Variants in IRAG2 observed in about 807,000 individuals in gnomAD.
The protein encoded by IRAG2 is lymphoid restricted membrane protein.
A neutral mutation model predicts 69.9 loss-of-function variants in IRAG2; 45 were observed. The observed-to-expected ratio is 0.64, with a 90% confidence interval of 0.51 to 0.83. IRAG2 has a LOEUF of 0.83. Among genes scored for constraint, IRAG2 ranks in the 40% least tolerant of loss-of-function variants. The pLI, the probability that IRAG2 is intolerant of heterozygous loss-of-function variation, is 0.00. For missense variants in IRAG2, 520 were observed against 587.0 expected (o/e 0.89, Z 1.18); for synonymous variants, 193 against 202.4 (o/e 0.95, Z 0.40).
At chr12:25,049,334 C>T (rs1238704595), upstream of IRAG2, among the ~76,000 whole-genome samples, 1 of 152,220 alleles carries the variant, frequency 6.6e-6, no homozygotes, top group Admixed American at 6.5e-5. Flanking sequence ...TTACTTTGGG[C>T]AGTATGGCTA....
chr12:25,026,651 A>G, intron 8 of IRAG2: 1 of 397,172 alleles, frequency 2.5e-6, no homozygotes, highest in Admixed American at 4.4e-5. Flanking sequence ...TGACTATGGG[A>G]GTAGTGGCTG....
chr12:25,081,919 C>A (rs563532125), intron 9 of IRAG2, among the ~76,000 whole-genome samples: 1 of 152,006 alleles, frequency 6.6e-6, no homozygotes, highest in Non-Finnish European at 1.5e-5. Flanking sequence ...CACATGGGGA[C>A]GGTCTTACTC....
chr12:25,005,656 C>A (rs946598857), intron 2 of IRAG2, among the ~76,000 whole-genome samples: 26 of 152,144 alleles, frequency 1.7e-4, no homozygotes, highest in African/African-American at 5.8e-4. Flanking sequence ...GTAGGTGGCG[C>A]CCCACAGGAA....
chr12:25,016,554 G>A (rs1277588482), intron 5 of IRAG2, among the ~76,000 whole-genome samples: 1 of 152,120 alleles, frequency 6.6e-6, no homozygotes, highest in Non-Finnish European at 1.5e-5. Context: ...CTTGAGATCA[G>A]GAGTTCAAGA....
intron 9 of IRAG2, among the ~76,000 whole-genome samples, chr12:25,082,475 C>A (rs1947285155): frequency 6.6e-6 from 1 of 151,978 alleles, no homozygotes; most frequent in African/African-American, 2.4e-5. Context: ...TGGTGCATGC[C>A]TGCAGTCCCA....
chr12:25,101,316 G>A lies in IRAG2; in HGVS notation c.880G>A (p.Glu294Lys), dbSNP rs904905208. Residue 294 changes from glutamate (E) to lysine (K), a missense_variant, in exon 16 of 22, where the codon GAA (glutamate) becomes AAA (lysine). Coordinates refer to ENST00000556887, the MANE Select transcript of IRAG2 (RefSeq NM_001366544.2). ...LQNERSFNPL[E>K]DDDDCQIKKR... ...GAATGAAAGGTCTTTCAATCCTCTTGAAGATGATGGTAATAAAAGTTTATG... is the reference window on the plus strand; with the variant it reads ...GAATGAAAGGTCTTTCAATCCTCTTAAAGATGATGGTAATAAAAGTTTATG... 4 of 1,592,116 alleles carry A rather than the reference G, an allele frequency of 2.5e-6. No individual in the cohort carries two copies. The highest frequency in any genetic ancestry group is 3.4e-6 in the Non-Finnish European group (4 of 1,169,396).
chr12:25,016,911 G>A (rs1006013532), intron 5 of IRAG2, among the ~76,000 whole-genome samples: 3 of 151,972 alleles, frequency 2.0e-5, no homozygotes, highest in Non-Finnish European at 4.4e-5. Flanking sequence ...GCAAATGATG[G>A]CTACTTGGAA....
chr12:25,091,658 A>G (rs1459039618), intron 14 of IRAG2, among the ~76,000 whole-genome samples: 1 of 151,962 alleles, frequency 6.6e-6, no homozygotes, highest in Non-Finnish European at 1.5e-5. Context: ...TAGTAATTAT[A>G]TTTTTAATTT....
rs989931584 is a variant in IRAG2 at position 25,062,908 on chromosome 12, C to T, written c.-304+8C>T. ...CCTCTTCAAGAAAAATTGGTAATTG[C>T]GAGCTTTTTGAAATTATTTAGGTAG... On this transcript the variant is annotated splice_region_variant and intron_variant, in intron 3 of 21. Transcript: ENST00000556887. The T allele has an allele frequency of 9.3e-5, 37 of 398,900 alleles. No homozygotes were observed. Among genetic ancestry groups the T allele is most frequent in the African/African-American group, 6.6e-4 (32 of 48,732 alleles). The allele number at this position is 398,900 out of a possible 1,614,324, so 24.7% of individuals were successfully genotyped here.
intron 12 of IRAG2, 43 bp downstream of exon 12, chr12:25,089,720 C>T (rs375054795): frequency 6.2e-7 from 1 of 1,610,600 alleles, no homozygotes; most frequent in Non-Finnish European, 8.5e-7. Context: ...TTTTATTTTT[C>T]TGTTGGATTA....
At chr12:25,107,231 G>A (rs184200902) in intron 21 of IRAG2, among the ~76,000 whole-genome samples, 181 bp downstream of exon 21, 1 of 152,218 alleles carries the variant, frequency 6.6e-6, no homozygotes, top group African/African-American at 2.4e-5. Context: ...TTGAGAGACA[G>A]ACTACATTCA....
At chr12:25,001,073 G>C (rs1032710032), upstream of IRAG2, among the ~76,000 whole-genome samples, 1 of 152,142 alleles carries the variant, frequency 6.6e-6, no homozygotes, top group African/African-American at 2.4e-5. Flanking sequence ...TCCCACCCAT[G>C]TTCTGCTCTA....
intron 3 of IRAG2, among the ~76,000 whole-genome samples, chr12:25,063,165 A>C (rs113147620): frequency 0.027 from 4,099 of 152,188 alleles, 194 homozygotes; most frequent in African/African-American, 0.093. Context: ...TGGGTTCAAG[A>C]GATTCTCCTG....
At chr12:25,090,307 C>T (rs1160275045) in intron 14 of IRAG2, 110 bp downstream of exon 14, 1 of 983,942 alleles carries the variant, frequency 1.0e-6, no homozygotes, top group Non-Finnish European at 1.5e-6. Flanking sequence ...CATGGGAGAC[C>T]AAGGCAGGAG....
At chr12:25,015,835 G>A (rs1054018177) in intron 5 of IRAG2, among the ~76,000 whole-genome samples, 1 of 152,198 alleles carries the variant, frequency 6.6e-6, no homozygotes, top group Non-Finnish European at 1.5e-5. Context: ...GTAAGTTTTG[G>A]GTATTAAGGA....
At chr12:25,030,357 A>C in intron 10 of IRAG2, 1 of 1,226,760 alleles carries the variant, frequency 8.2e-7, no homozygotes, top group Non-Finnish European at 1.0e-6. Flanking sequence ...CCTTACCACA[A>C]AGTCCCATGG....
intron 17 of IRAG2, 49 bp from the exon 18 acceptor site, chr12:25,103,785 AATG>A: frequency 7.8e-7 from 1 of 1,282,450 alleles, no homozygotes; most frequent in African/African-American, 1.5e-5. Context: ...TGTTGCATAT[AATG>A]ATAAATTATT....
intron 2 of IRAG2, among the ~76,000 whole-genome samples, chr12:25,007,277 A>G (rs1944440395): frequency 6.6e-6 from 1 of 152,266 alleles, no homozygotes; most frequent in African/African-American, 2.4e-5. Flanking sequence ...TGACTAATTT[A>G]AAACACAACT....
chr12:25,022,736 A>C (rs570534845), intron 7 of IRAG2, among the ~76,000 whole-genome samples: 60 of 152,380 alleles, frequency 3.9e-4, no homozygotes, highest in African/African-American at 1.4e-3. Context: ...TAAATGATAG[A>C]GCTAAATTAA....
Sources: gnomAD v4.1 joint callset for allele counts (sites outside exome capture counted in the v4.1 genomes callset) on GRCh38, gnomAD v4.1.1 for gene constraint, MANE v1.5 for transcripts, NCBI Gene and HGNC (gene_info 2026-07-23, HGNC 2026-07-21) for gene names.